The following MME variants were observed in gnomAD, a reference collection of about 807,000 sequenced individuals.
MME encodes neprilysin.
Under a neutral mutation model 113.2 loss-of-function variants are expected in MME, and 98 were observed. The observed-to-expected ratio is 0.87, with a 90% CI of 0.74 to 1.02. The LOEUF is 1.02. Ranked by LOEUF, MME falls within the 50% of genes least tolerant of loss-of-function variation. The probability of loss-of-function intolerance (pLI) is 0.00; values close to 1 mark genes in which losing one functional copy is unlikely to be tolerated. For missense variants in MME, 836 were observed against 896.0 expected (o/e 0.93, Z 0.86); for synonymous variants, 292 against 300.6 (o/e 0.97, Z 0.30).
Position 155,140,292 on chromosome 3 carries a change from G to C in MME, c.957G>C (p.Lys319Asn). 1 of 1,586,580 alleles carries C rather than the reference G, an allele frequency of 6.3e-7. No individual in the cohort carries two copies. The highest frequency in any genetic ancestry group is 8.6e-7 in the Non-Finnish European group (1 of 1,156,236). The change falls in exon 10 of 23, where the codon AAG (lysine) becomes AAC (asparagine). Residue 319 changes from lysine (K) to asparagine (N), a missense_variant and splice_region_variant. Coordinates refer to ENST00000360490, the MANE Select transcript of MME (RefSeq NM_007289.4). ...QNNFSLEING[K>N]PFSWLNFTNE... The stretch of plus-strand genomic sequence containing the variant: ...ACTTTTCACTAGAGATCAATGGGAA[G>C]GTAAGTGGTAAGTTTTTTGTGCTCT...
At chr3:155,163,917 C>A (rs1722894581) in intron 17 of MME, among the ~76,000 whole-genome samples, 1 of 151,834 alleles carries the variant, frequency 6.6e-6, no homozygotes, top group South Asian at 2.1e-4. Flanking sequence ...CTGAGGTAGG[C>A]TGATTACTTG....
At chr3:155,147,321 C>G in intron 15 of MME, 97 bp downstream of exon 15, 1 of 780,416 alleles carries the variant, frequency 1.3e-6, no homozygotes, top group South Asian at 1.4e-5. Context: ...ATGAAGTAGC[C>G]TGAAACCACA....
intron 1 of MME, among the ~76,000 whole-genome samples, chr3:155,029,290 C>T (rs1712890871): frequency 6.6e-6 from 1 of 152,022 alleles, no homozygotes; most frequent in South Asian, 2.1e-4. Flanking sequence ...CCAACTTTGA[C>T]CATATAAGAG....
chr3:155,115,618 G>C lies in MME; in HGVS notation c.358+463G>C, dbSNP rs552097566. On this transcript the variant is annotated intron_variant, in intron 4 of 22. Transcript: ENST00000360490. The stretch of plus-strand genomic sequence containing the variant: ...TAATTTTTGTATTTTTAGTAGGGAC[G>C]GGGTTTCACCATGTTGGCCAAGCTG... Among the ~76,000 whole-genome samples, 5 of 152,190 alleles carry C rather than the reference G, an allele frequency of 3.3e-5. No individual in the cohort carries two copies. The South Asian group carries it at 1.0e-3, about 32-fold the overall frequency.
chr3:155,070,026 A>T (rs1227814497), intron 1 of MME, among the ~76,000 whole-genome samples: 2 of 152,210 alleles, frequency 1.3e-5, no homozygotes, highest in African/African-American at 4.8e-5. Context: ...ACTAGATAAG[A>T]CAGGTGGACG....
intron 9 of MME, 88 bp downstream of exon 9, chr3:155,138,324 T>TAC (rs770414767): frequency 2.2e-6 from 3 of 1,376,424 alleles, no homozygotes; most frequent in Non-Finnish European, 3.1e-6. Context: ...GAGTAAAAGG[T>TAC]ACAGCACTTT....
chr3:155,173,969 G>A (rs1278866022), intron 22 of MME, among the ~76,000 whole-genome samples: 1 of 152,004 alleles, frequency 6.6e-6, no homozygotes, highest in Non-Finnish European at 1.5e-5. Flanking sequence ...GAGGATTAAC[G>A]TTAATATAAA....
intron 22 of MME, among the ~76,000 whole-genome samples, chr3:155,176,072 A>T (rs1712490093): frequency 6.6e-6 from 1 of 152,208 alleles, no homozygotes; most frequent in South Asian, 2.1e-4. Context: ...AATGATGAAG[A>T]TTGGATACCT....
intron 1 of MME, among the ~76,000 whole-genome samples, chr3:155,046,548 G>A (rs1713567013): frequency 6.6e-6 from 1 of 152,150 alleles, no homozygotes; most frequent in African/African-American, 2.4e-5. Flanking sequence ...AAATTAGGTG[G>A]GCGTGGTGGT....
intron 1 of MME, among the ~76,000 whole-genome samples, chr3:155,082,422 T>C (rs1715233438): frequency 6.6e-6 from 1 of 152,194 alleles, no homozygotes; most frequent in African/African-American, 2.4e-5. Flanking sequence ...AGAATTATTA[T>C]TGTTTACCTC....
chr3:155,060,858 A>T (rs1003948884), intron 1 of MME, among the ~76,000 whole-genome samples: 1 of 150,498 alleles, frequency 6.6e-6, no homozygotes, highest in Non-Finnish European at 1.5e-5. Context: ...AGAGAGAGAG[A>T]GTGAGAGAGA....
intron 22 of MME, among the ~76,000 whole-genome samples, chr3:155,178,492 A>G (rs904724211): frequency 2.0e-5 from 3 of 152,068 alleles, no homozygotes; most frequent in Non-Finnish European, 4.4e-5. Flanking sequence ...CTAATACCCT[A>G]TTGCTTCTCT....
intron 22 of MME, among the ~76,000 whole-genome samples, chr3:155,177,243 A>T (rs890864541): frequency 2.6e-5 from 4 of 152,232 alleles, no homozygotes; most frequent in Admixed American, 2.6e-4. Flanking sequence ...AAACAAAAAC[A>T]TGCAGCTCTT....
At chr3:155,157,626 T>C (rs1254132939) in intron 16 of MME, among the ~76,000 whole-genome samples, 1 of 152,178 alleles carries the variant, frequency 6.6e-6, no homozygotes, top group Non-Finnish European at 1.5e-5. Context: ...AGACATTCAG[T>C]CTATAGTTGT....
intron 16 of MME, among the ~76,000 whole-genome samples, chr3:155,149,856 G>C (rs1721795504): frequency 6.6e-6 from 1 of 152,150 alleles, no homozygotes; most frequent in African/African-American, 2.4e-5. Context: ...TGACTTCTAA[G>C]TTCATATTGG....
intron 8 of MME, among the ~76,000 whole-genome samples, chr3:155,127,875 A>G (rs1576619935): frequency 6.6e-6 from 1 of 152,220 alleles, no homozygotes; most frequent in East Asian, 1.9e-4. Flanking sequence ...ATACTAGTAG[A>G]GTTCTTTGAA....
intron 14 of MME, among the ~76,000 whole-genome samples, chr3:155,145,405 G>T (rs1204771023): frequency 1.3e-5 from 2 of 152,072 alleles, no homozygotes; most frequent in Non-Finnish European, 2.9e-5. Context: ...ACCCTAGGCT[G>T]GGTTACATGC....
chr3:155,125,308 CCCACTGTCTGGGACTCCCT>C (rs776131535), intron 8 of MME, among the ~76,000 whole-genome samples: 34,601 of 135,474 alleles, frequency 0.26, 5,978 homozygotes, highest in East Asian at 0.38. Context: ...CTGGCCTGCG[CCCACTGTCTGGGACTCCCT>C]AGTGAGATGA....
intron 3 of MME, among the ~76,000 whole-genome samples, chr3:155,107,634 T>G (rs1343320203): frequency 6.6e-6 from 1 of 152,164 alleles, no homozygotes. Context: ...TATTTGTGGA[T>G]TCTCTGTTTG....
Sources: allele counts gnomAD v4.1 joint callset (sites outside exome capture counted in the v4.1 genomes callset), GRCh38; gene constraint gnomAD v4.1.1; transcripts MANE v1.5; gene names NCBI Gene and HGNC (gene_info 2026-07-23, HGNC 2026-07-21).